The following MCC variants were observed in gnomAD, a reference collection of about 807,000 sequenced individuals.
MCC encodes colorectal mutant cancer protein.
MCC carries 90 observed loss-of-function variants against 116.2 expected under a neutral mutation model. The ratio of observed to expected loss-of-function variants is 0.77; its 90% CI spans 0.65 to 0.92. MCC has a LOEUF of 0.92. MCC is among the 40% of genes least tolerant of loss of function. MCC has a pLI of 0.00. For missense variants in MCC, 1,516 were observed against 1,312.2 expected (o/e 1.16, Z -2.40); for synonymous variants, 578 against 510.5 (o/e 1.13, Z -1.78).
At chr5:113,036,258 G>C (rs1330102430) in intron 17 of MCC, among the ~76,000 whole-genome samples, 2 of 152,064 alleles carry the variant, frequency 1.3e-5, no homozygotes, top group African/African-American at 4.8e-5. Context: ...GGCCAGTCTT[G>C]AATTCCTAAT....
chr5:113,300,311 GT>G (rs1219803232), intron 3 of MCC, among the ~76,000 whole-genome samples: 1 of 152,116 alleles, frequency 6.6e-6, no homozygotes, highest in Admixed American at 6.5e-5. Context: ...GCAGTCCACT[GT>G]GCTGAGGAAG....
intron 1 of MCC, chr5:113,435,157 T>G (rs1770811815): frequency 3.1e-6 from 1 of 326,586 alleles, no homozygotes; most frequent in Admixed American, 4.3e-5. Flanking sequence ...CGTGTCTTGC[T>G]GGGACCTGAG....
Position 113,280,312 on chromosome 5 carries a change from G to T in MCC, c.627+60207C>A, listed in dbSNP as rs149663421. 1.8e-4 allele frequency among the ~76,000 whole-genome samples: 27 copies of T among 152,204 alleles called. No individual in the cohort carries two copies. The East Asian group carries it at 4.6e-3, about 26-fold the overall frequency. On this transcript the variant is annotated intron_variant, in intron 3 of 18. Transcript: ENST00000408903. ...ACCGCTGGTTGATATAAAAGTAGTT[G>T]CCCTATGTGTAACTTTTCTATCTAT...
intron 13 of MCC, among the ~76,000 whole-genome samples, chr5:113,067,121 T>C (rs963100936): frequency 6.6e-6 from 1 of 152,162 alleles, no homozygotes; most frequent in Non-Finnish European, 1.5e-5. Context: ...TTGTGTCCAA[T>C]TAGATACTCC....
chr5:113,434,051 G>T lies in MCC; in HGVS notation c.171-48839C>A. The T allele has an allele frequency of 6.2e-7, 1 of 1,614,086 alleles. No homozygotes were observed. Among genetic ancestry groups the T allele is most frequent in the South Asian group, 1.1e-5 (1 of 91,086 alleles). Reference sequence around the variant, plus strand: ...TCCAGCAGTGGCTGAGGATCTCGTCGATGTGGAGCCGCCGGTTGACGTCGG... The same window carrying T: ...TCCAGCAGTGGCTGAGGATCTCGTCTATGTGGAGCCGCCGGTTGACGTCGG... On this transcript the variant is annotated intron_variant, in intron 1 of 18. Transcript: ENST00000408903. The surrounding 1 kb of genome is among the most constrained non-coding windows in gnomAD (Gnocchi z 4.2).
chr5:113,029,041 C>G lies in MCC; in HGVS notation c.2772G>C (p.Lys924Asn), dbSNP rs1475958629. Residue 924 changes from lysine to asparagine, a missense_variant, in exon 18 of 19, where the codon AAG (lysine) becomes AAC (asparagine). Physicochemically the swap from Lys to Asn is moderately conservative, Grantham distance 94. Transcript: ENST00000408903. ...CACTCACCAGCTCTTGAACTCTGGC[C>G]TTCAACTTCTTTTCTCTATATTAAA... is the stretch of plus-strand genomic sequence containing the variant. Reference protein sequence around the residue: ...TNAIRREKKLKARVQELVSAL... With the variant: ...TNAIRREKKLNARVQELVSAL... 6.2e-7 allele frequency: 1 copy of G among 1,612,768 alleles called. No homozygotes were observed. The highest frequency in any genetic ancestry group is 1.1e-5 in the South Asian group (1 of 90,806).
intron 1 of MCC, among the ~76,000 whole-genome samples, chr5:113,429,654 G>T (rs981972719): frequency 6.6e-6 from 1 of 151,986 alleles, no homozygotes; most frequent in African/African-American, 2.4e-5. Flanking sequence ...CTCAAGAGTG[G>T]TACACATATT....
chr5:113,467,333 C>A (rs1010702312), intron 1 of MCC, among the ~76,000 whole-genome samples: 5 of 149,848 alleles, frequency 3.3e-5, no homozygotes, highest in South Asian at 2.1e-4. Flanking sequence ...ACATGTAAGT[C>A]TTTAATCCAT....
At chr5:113,360,503 G>C (rs1768520087) in intron 2 of MCC, among the ~76,000 whole-genome samples, 1 of 152,226 alleles carries the variant, frequency 6.6e-6, no homozygotes, top group Non-Finnish European at 1.5e-5. Flanking sequence ...TTATGTGTGA[G>C]TCTGTCTGTT....
intron 1 of MCC, chr5:113,433,332 AG>A: frequency 3.0e-6 from 1 of 329,264 alleles, no homozygotes. Context: ...GCCTCCCAGC[AG>A]GGTCACGCAA....
chr5:113,080,573 T>C (rs1754780355), intron 11 of MCC, among the ~76,000 whole-genome samples: 1 of 152,108 alleles, frequency 6.6e-6, no homozygotes, highest in South Asian at 2.1e-4. Flanking sequence ...AAACACCACA[T>C]GTTCTCACTC....
At chr5:113,329,582 A>T (rs1388793335) in intron 3 of MCC, among the ~76,000 whole-genome samples, 2 of 152,212 alleles carry the variant, frequency 1.3e-5, no homozygotes, top group Non-Finnish European at 2.9e-5. Context: ...AGAAAGCCAT[A>T]CAAACTAGTT....
intron 11 of MCC, among the ~76,000 whole-genome samples, chr5:113,072,614 C>T (rs967037766): frequency 9.2e-5 from 14 of 152,200 alleles, no homozygotes; most frequent in Non-Finnish European, 1.3e-4. Flanking sequence ...GGTTTTCTTC[C>T]TGCCCTAGCG....
chr5:113,244,924 G>A (rs1487450997), intron 3 of MCC, among the ~76,000 whole-genome samples: 1 of 152,204 alleles, frequency 6.6e-6, no homozygotes, highest in Non-Finnish European at 1.5e-5. Flanking sequence ...TGTTCAGGCA[G>A]CAATACTGCC....
At chr5:113,242,848 T>C (rs1404696697) in intron 3 of MCC, among the ~76,000 whole-genome samples, 1 of 152,132 alleles carries the variant, frequency 6.6e-6, no homozygotes, top group Non-Finnish European at 1.5e-5. Context: ...AGCAAAGCCG[T>C]GACTTTACCA....
intron 2 of MCC, among the ~76,000 whole-genome samples, chr5:113,379,080 T>C (rs140145280): frequency 2.6e-5 from 4 of 152,352 alleles, no homozygotes; most frequent in East Asian, 1.9e-4. Flanking sequence ...CTAACACGAA[T>C]TGCCCTCAGA....
chr5:113,101,933 T>C lies in MCC; in HGVS notation c.1204A>G (p.Ile402Val). ...AGGTCCCGGCCAAGCACCCCCTCAATCTCCTCGACTGTCTGTAAAACACAG... is the reference window on the plus strand; with the variant it reads ...AGGTCCCGGCCAAGCACCCCCTCAACCTCCTCGACTGTCTGTAAAACACAG... ...CDLAIKTVEE[I>V]EGVLGRDLYP... The change falls in exon 8 of 19, where the codon ATT becomes GTT. Residue 402 changes from isoleucine (I) to valine (V), a missense_variant. Physicochemically the swap from Ile to Val is conservative, Grantham distance 29 (BLOSUM62 3). Coordinates refer to ENST00000408903, the MANE Select transcript of MCC (RefSeq NM_001085377.2). 5 of 1,612,598 alleles carry C rather than the reference T, an allele frequency of 3.1e-6. No homozygotes were observed. Among genetic ancestry groups the C allele is most frequent in the Non-Finnish European group, 4.2e-6 (5 of 1,179,782 alleles).
rs552412417 is a variant in MCC, at chr5:113,121,885, T to C, written c.1027+799A>G. ...ACCACAGGGATCACCTTAGCTCAGA[T>C]AACTTCAAAGCCTCTTCCCTCAACC... is the stretch of plus-strand genomic sequence containing the variant. On this transcript the variant is annotated intron_variant, in intron 6 of 18. Coordinates refer to ENST00000408903, the MANE Select transcript of MCC (RefSeq NM_001085377.2). 5.8e-4 allele frequency among the ~76,000 whole-genome samples: 87 copies of C among 150,986 alleles called. No homozygotes were observed. In the South Asian group the frequency reaches 0.013, roughly 23 times the overall value.
At chr5:113,410,664 G>A (rs983590594) in intron 1 of MCC, among the ~76,000 whole-genome samples, 3 of 152,174 alleles carry the variant, frequency 2.0e-5, no homozygotes, top group Non-Finnish European at 4.4e-5. Context: ...ACAACGTGCA[G>A]GTTACATAGG....
Sources: gnomAD v4.1 joint callset for allele counts (sites outside exome capture counted in the v4.1 genomes callset) on GRCh38, gnomAD v4.1.1 for gene constraint, Gnocchi (gnomAD v3.1) non-coding constraint, MANE v1.5 for transcripts, NCBI Gene and HGNC (gene_info 2026-07-23, HGNC 2026-07-21) for gene names.